Variants in POLDIP3 observed in about 807,000 individuals in gnomAD.
POLDIP3 encodes the protein DNA polymerase delta interacting protein 3.
A neutral mutation model predicts 45.1 loss-of-function variants in POLDIP3; 14 were observed. The ratio of observed to expected loss-of-function variants is 0.31; its 90% CI spans 0.20 to 0.49. POLDIP3 has a LOEUF of 0.49. POLDIP3 is among the 20% of genes least tolerant of loss of function. The pLI is 0.99. For synonymous variants in POLDIP3, 223 were observed against 205.2 expected, an observed-to-expected ratio of 1.09 and a Z score of -0.74; for missense variants, 511 against 538.8, an observed-to-expected ratio of 0.95 and a Z score of 0.51.
intron 1 of POLDIP3, among the ~76,000 whole-genome samples, chr22:42,603,942 T>G (rs1431288951): frequency 3.9e-5 from 6 of 151,972 alleles, no homozygotes; most frequent in Non-Finnish European, 8.8e-5. Context: ...AAATAAAATA[T>G]TTTTTTTAAC....
At chr22:42,595,394 C>T (rs1925922751) in intron 6 of POLDIP3, 143 bp downstream of exon 6, 3 of 720,412 alleles carry the variant, frequency 4.2e-6, no homozygotes, top group Non-Finnish European at 4.8e-6. Context: ...CATCCTTTTG[C>T]TGTCATTAGT....
chr22:42,586,120 A>G (rs755912192), intron 8 of POLDIP3, 152 bp from the exon 9 acceptor site: 10 of 705,488 alleles, frequency 1.4e-5, no homozygotes, highest in Non-Finnish European at 2.3e-5. Flanking sequence ...AGCAAACTCA[A>G]TCACAGCTCA....
rs1926425657 is a variant in POLDIP3 at position 42,602,076 on chromosome 22, A to G, written c.451-20T>C. The G allele has an allele frequency of 6.2e-7, 1 of 1,613,992 alleles. No homozygotes were observed. Among genetic ancestry groups the G allele is most frequent in the Non-Finnish European group, 8.5e-7 (1 of 1,180,002 alleles). ...TGGAACCTGGAAACACTCAGTGGTC[A>G]GAATCCACCCCACAGGGTCCACATG... On this transcript the variant is annotated intron_variant, in intron 2 of 8. Coordinates refer to ENST00000252115, the MANE Select transcript of POLDIP3 (RefSeq NM_032311.5).
At chr22:42,613,843 G>A (rs1458894112) in intron 1 of POLDIP3, among the ~76,000 whole-genome samples, 1 of 152,164 alleles carries the variant, frequency 6.6e-6, no homozygotes, top group Non-Finnish European at 1.5e-5. Flanking sequence ...TTACATCCTG[G>A]CTATTTACAA....
intron 6 of POLDIP3, among the ~76,000 whole-genome samples, chr22:42,594,503 T>A (rs530476093): frequency 6.6e-6 from 1 of 152,176 alleles, no homozygotes; most frequent in Non-Finnish European, 1.5e-5. Flanking sequence ...AGAGTGAGAC[T>A]CCATCTCAAA....
chr22:42,592,877 C>T (rs1925754971), intron 6 of POLDIP3, among the ~76,000 whole-genome samples: 1 of 152,198 alleles, frequency 6.6e-6, no homozygotes, highest in Non-Finnish European at 1.5e-5. Flanking sequence ...CACGCCATTT[C>T]TTCACCTGCA....
Position 42,606,613 on chromosome 22 carries a change from A to T in POLDIP3, c.60-3453T>A, listed in dbSNP as rs184292723. Among the ~76,000 whole-genome samples the T allele has an allele frequency of 5.1e-3, 779 of 152,306 alleles. 4 individuals carry two copies. The highest frequency in any genetic ancestry group is 0.018 in the African/African-American group (729 of 41,580). On this transcript the variant is annotated intron_variant, in intron 1 of 8. Transcript: ENST00000252115. Reference sequence around the variant, plus strand: ...CCTCCAGGCTGGACAACAGAGCAAGACCCTGTCTCAAAAACATATTTTAAA... The same window carrying T: ...CCTCCAGGCTGGACAACAGAGCAAGTCCCTGTCTCAAAAACATATTTTAAA...
rs2146827815 is a variant in POLDIP3, at chr22:42,605,122, C to CTTTTT, written c.60-1963_60-1962insAAAAA. Among the ~76,000 whole-genome samples, 3 of 151,624 alleles carry CTTTTT rather than the reference C, an allele frequency of 2.0e-5. No homozygotes were observed. In the East Asian group the frequency reaches 5.8e-4, roughly 29 times the overall value. ...TCTCTGTGACAAGGAAGTTTCTTTT[C>CTTTTT]TTCAGTTTTGTTTTGTTTTGTTTGA... On this transcript the variant is annotated intron_variant, in intron 1 of 8. Transcript: ENST00000252115.
chr22:42,591,815 T>C (rs1252782264), intron 7 of POLDIP3, 140 bp downstream of exon 7: 1 of 1,142,196 alleles, frequency 8.8e-7, no homozygotes, highest in African/African-American at 1.6e-5. Context: ...ACTCAGAGAC[T>C]GCACGGCAGT....
chr22:42,586,540 T>C (rs1389948667), intron 8 of POLDIP3, among the ~76,000 whole-genome samples: 1 of 152,166 alleles, frequency 6.6e-6, no homozygotes, highest in Non-Finnish European at 1.5e-5. Flanking sequence ...TTCTGGATGG[T>C]AACATCCATT....
Position 42,614,829 on chromosome 22 carries a change from A to T in POLDIP3, c.29T>A (p.Ile10Asn), listed in dbSNP as rs774049574. 6.2e-7 allele frequency: 1 copy of T among 1,614,034 alleles called. No homozygotes were observed. Among genetic ancestry groups the T allele is most frequent in the Non-Finnish European group, 8.5e-7 (1 of 1,179,942 alleles). MADISLDELIRKRGAAAKGR... is the reference protein window; with the variant it reads MADISLDELNRKRGAAAKGR... ...TTTCGCCGCCGCCCCGCGCTTCCTG[A>T]TGAGTTCGTCCAGGGAGATGTCCGC... The change falls in exon 1 of 9, where the codon ATC (isoleucine) becomes AAC (asparagine). Residue 10 changes from isoleucine to asparagine, a missense_variant. Ile to Asn is a moderately radical substitution (Grantham distance 149, BLOSUM62 -3). Coordinates refer to ENST00000252115, the MANE Select transcript of POLDIP3 (RefSeq NM_032311.5).
chr22:42,612,221 C>A (rs5758809), intron 1 of POLDIP3, among the ~76,000 whole-genome samples: 1 of 152,236 alleles, frequency 6.6e-6, no homozygotes, highest in African/African-American at 2.4e-5. Flanking sequence ...CTATCAAGCA[C>A]TTAAGTACCC....
intron 3 of POLDIP3, among the ~76,000 whole-genome samples, chr22:42,601,754 C>T (rs377373872): frequency 2.0e-5 from 3 of 152,064 alleles, no homozygotes; most frequent in Non-Finnish European, 2.9e-5. Flanking sequence ...AGCGAGACTC[C>T]GTCTCAAAAA....
chr22:42,583,916 A>C lies in POLDIP3; in HGVS notation c.*1875T>G, dbSNP rs1925126315. The C allele has an allele frequency of 6.6e-6, 1 of 152,458 alleles. No individual in the cohort carries two copies. The highest frequency in any genetic ancestry group is 2.1e-4 in the South Asian group (1 of 4,824). The allele number at this position is 152,458 out of a possible 1,614,324, so 9.4% of individuals were successfully genotyped here. A position where few individuals can be genotyped will look rare whatever the true frequency, so the allele number is the denominator to read the frequency against. ...AAGATGACTGCTTATAGAGTGGAGG[A>C]GGCAAACAGGTCCCCTCAATGTACC... On this transcript the variant is annotated 3_prime_UTR_variant, in exon 9 of 9. Transcript: ENST00000252115.
chr22:42,608,730 G>A (rs1487548172), intron 1 of POLDIP3, among the ~76,000 whole-genome samples: 1 of 152,144 alleles, frequency 6.6e-6, no homozygotes, highest in African/African-American at 2.4e-5. Context: ...GGACCACCAA[G>A]ATGCTTTGTG....
intron 1 of POLDIP3, among the ~76,000 whole-genome samples, chr22:42,613,216 G>A (rs1927234983): frequency 6.6e-6 from 1 of 152,310 alleles, no homozygotes; most frequent in East Asian, 1.9e-4. Flanking sequence ...GTGGCCAGAG[G>A]AGCCAGCACC....
In POLDIP3 at chr22:42,599,496, AG is replaced by A. The variant is rs561169819; in HGVS notation, c.633+201del. On this transcript the variant is annotated intron_variant, in intron 4 of 8. Coordinates refer to ENST00000252115, the MANE Select transcript of POLDIP3 (RefSeq NM_032311.5). ...GCAGGCGCCTGTAATCCCAGCTACT[AG>A]GGAGGCTGAGGCAGGATAATAGCTT... is the stretch of plus-strand genomic sequence containing the variant. 2.8e-4 allele frequency among the ~76,000 whole-genome samples: 43 copies of A among 152,202 alleles called. No homozygotes were observed. In the South Asian group the frequency reaches 3.1e-3, roughly 11 times the overall value.
At chr22:42,602,360 T>C (rs1177130822) in intron 2 of POLDIP3, among the ~76,000 whole-genome samples, 1 of 152,184 alleles carries the variant, frequency 6.6e-6, no homozygotes, top group African/African-American at 2.4e-5. Context: ...CCCTCTGTGG[T>C]GGCAGCTGTG....
In POLDIP3 at chr22:42,612,486, G is replaced by A. The variant is rs1211302991; in HGVS notation, c.59+2313C>T. 1.3e-5 allele frequency among the ~76,000 whole-genome samples: 2 copies of A among 152,302 alleles called. 1 individual carries two copies. The highest frequency in any genetic ancestry group is 4.1e-4 in the South Asian group (2 of 4,826). ...TCTATGCCTTTAAGGAAAGGTCCAAGATAATTACCAGCCTTTGCTGAACAC... is the reference window on the plus strand; with the variant it reads ...TCTATGCCTTTAAGGAAAGGTCCAAAATAATTACCAGCCTTTGCTGAACAC... On this transcript the variant is annotated intron_variant, in intron 1 of 8. Coordinates refer to ENST00000252115, the MANE Select transcript of POLDIP3 (RefSeq NM_032311.5).
Sources: allele counts gnomAD v4.1 joint callset (sites outside exome capture counted in the v4.1 genomes callset), GRCh38; gene constraint gnomAD v4.1.1; transcripts MANE v1.5; gene names NCBI Gene and HGNC (gene_info 2026-07-23, HGNC 2026-07-21).